KIF13A: variants seen among roughly 807,000 people sequenced by gnomAD.
KIF13A encodes the protein kinesin family member 13A, also known as kinesin-like protein KIF13A.
A neutral mutation model predicts 212.2 loss-of-function variants in KIF13A; 79 were observed. That is an observed-to-expected ratio of 0.37 (90% CI 0.31 to 0.45). KIF13A has a LOEUF of 0.45. KIF13A is among the 20% of genes least tolerant of loss of function. KIF13A has a pLI of 1.00. For synonymous variants in KIF13A, 789 were observed against 808.6 expected (o/e 0.98, Z 0.41); for missense variants, 1,901 against 2,209.0 (o/e 0.86, Z 2.79).
chr6:17,793,762 GAA>G (rs1404447452), intron 25 of KIF13A, among the ~76,000 whole-genome samples: 6 of 151,850 alleles, frequency 4.0e-5, no homozygotes, highest in Non-Finnish European at 8.8e-5. Context: ...AAAAATAAAA[GAA>G]TCAGCTGGGC....
At position 17,778,983 on chromosome 6, in the gene KIF13A, C is replaced by G. The variant is rs769341668; in HGVS notation, c.4056G>C (p.Gln1352His). 4 of 1,609,980 alleles carry G rather than the reference C, an allele frequency of 2.5e-6. No individual in the cohort carries two copies. The highest frequency in any genetic ancestry group is 1.3e-5 in the African/African-American group (1 of 74,934). The change falls in exon 33 of 39, where the codon CAG becomes CAC. Residue 1352 changes from glutamine to histidine, a missense_variant. By Grantham distance (24) the Gln-to-His change is conservative. Transcript: ENST00000259711. ...GTTCAAGACTCAGAATGTTTTCCAC[C>G]TGCAGCACGCCTCGAGTGTACTTCT... ...YIEKYTRGVLQVENILSLERL... is the reference protein window; with the variant it reads ...YIEKYTRGVLHVENILSLERL...
rs1211081649 is a variant in KIF13A, at chr6:17,912,668, T to C, written c.147-14488A>G. ...TCTTTTTTCCATCTCTGACTTCATG[T>C]TTGTTTTTAAAACTATCTTACAGTA... On this transcript the variant is annotated intron_variant, in intron 2 of 38. Coordinates refer to ENST00000259711, the MANE Select transcript of KIF13A (RefSeq NM_022113.6). This position sits in a 1 kb window ranked among gnomAD's most constrained non-coding sequence, Gnocchi z 4.2. Among the ~76,000 whole-genome samples the C allele has an allele frequency of 1.3e-5, 2 of 152,224 alleles. No homozygotes were observed. Among genetic ancestry groups the C allele is most frequent in the Non-Finnish European group, 2.9e-5 (2 of 68,038 alleles).
chr6:17,948,939 G>A (rs1422133505), intron 2 of KIF13A, among the ~76,000 whole-genome samples: 1 of 149,306 alleles, frequency 6.7e-6, no homozygotes, highest in Non-Finnish European at 1.5e-5. Flanking sequence ...TAAGCCCTTT[G>A]AAAGCAAAAT....
At chr6:17,884,501 A>G (rs1413649446) in intron 3 of KIF13A, among the ~76,000 whole-genome samples, 2 of 152,168 alleles carry the variant, frequency 1.3e-5, no homozygotes, top group Non-Finnish European at 2.9e-5. Context: ...GATAGTGTAG[A>G]TGGGTACTCA....
In KIF13A at chr6:17,787,819, T is replaced by C. The variant is rs918347008; in HGVS notation, c.3318A>G (p.Arg1106=). ...ERWSDALIKR[R]EYLDEQIKKV... Reference sequence around the variant, plus strand: ...TTTTTATCTGTTCATCCAGGTATTCTCGTCGTTTAATGAGTGCATCTGACC... The same window carrying C: ...TTTTTATCTGTTCATCCAGGTATTCCCGTCGTTTAATGAGTGCATCTGACC... Residue 1106 remains arginine (R), a synonymous_variant, in exon 27 of 39, where the codon CGA becomes CGG. Coordinates refer to ENST00000259711, the MANE Select transcript of KIF13A (RefSeq NM_022113.6). The surrounding 1 kb of genome is among the most constrained non-coding windows in gnomAD (Gnocchi z 4.6). 1 of 1,613,494 alleles carries C rather than the reference T, an allele frequency of 6.2e-7. No individual in the cohort carries two copies. The highest frequency in any genetic ancestry group is 1.3e-5 in the African/African-American group (1 of 74,920).
intron 2 of KIF13A, among the ~76,000 whole-genome samples, chr6:17,904,791 G>A (rs1007084772): frequency 6.6e-5 from 10 of 152,208 alleles, no homozygotes; most frequent in African/African-American, 2.4e-4. Flanking sequence ...AATGCCCTAC[G>A]ACGTGTGTGA....
intron 2 of KIF13A, among the ~76,000 whole-genome samples, chr6:17,949,378 A>T (rs1777676343): frequency 1.3e-5 from 2 of 152,188 alleles, no homozygotes; most frequent in Admixed American, 1.3e-4. Context: ...AATTAAAGAC[A>T]CCATCAACAT....
At position 17,808,886 on chromosome 6, in the gene KIF13A, A is replaced by G; in HGVS notation, c.2045T>C (p.Leu682Pro). The G allele has an allele frequency of 6.2e-7, 1 of 1,613,328 alleles. No individual in the cohort carries two copies. Among genetic ancestry groups the G allele is most frequent in the South Asian group, 1.1e-5 (1 of 90,932 alleles). The change falls in exon 18 of 39, where the codon CTG (leucine) becomes CCG (proline). Residue 682 changes from leucine to proline, a missense_variant. This residue lies in a region of KIF13A where 534 missense variants were observed against 536.9 expected (regional missense o/e 0.99). Transcript: ENST00000259711. ...RQSLAKLREQ[L>P]VKANTLVREA... ...CCTCACCAAGGTATTAGCTTTAACC[A>G]GCTGCTCTCGCAGTTTTGCCAGGCT...
At chr6:17,939,123 T>G (rs1776736297) in intron 2 of KIF13A, among the ~76,000 whole-genome samples, 1 of 152,202 alleles carries the variant, frequency 6.6e-6, no homozygotes, top group South Asian at 2.1e-4. Flanking sequence ...TCTAAGGCAC[T>G]TTAGGGCGCT....
At position 17,780,784 on chromosome 6, in the gene KIF13A, A is replaced by G. The variant is rs745834450; in HGVS notation, c.3792T>C (p.Ala1264=). 1 of 1,614,054 alleles carries G rather than the reference A, an allele frequency of 6.2e-7. No individual in the cohort carries two copies. Residue 1264 remains alanine (A), a synonymous_variant, in exon 31 of 39, where the codon GCT becomes GCC. Coordinates refer to ENST00000259711, the MANE Select transcript of KIF13A (RefSeq NM_022113.6). ...VKTTVQLSHP[A]AMELVLRKRI... The stretch of plus-strand genomic sequence containing the variant: ...GTTTTCGTAATACTAACTCCATAGC[A>G]GCAGGGTGGCTGAGTTGAACTGTGG...
At chr6:17,875,894 T>C (rs1307325371) in intron 3 of KIF13A, among the ~76,000 whole-genome samples, 2 of 152,162 alleles carry the variant, frequency 1.3e-5, no homozygotes, top group Non-Finnish European at 2.9e-5. Flanking sequence ...CCAAATCATG[T>C]TGGAAGTGGT....
downstream of KIF13A, among the ~76,000 whole-genome samples, chr6:17,761,979 C>T (rs1367288992): frequency 1.3e-5 from 2 of 152,058 alleles, no homozygotes; most frequent in Non-Finnish European, 2.9e-5. Flanking sequence ...TTGTGAATAC[C>T]TTATTTCCCC....
rs1763401306 is a variant in KIF13A, at chr6:17,811,228, T to C, written c.2001-2298A>G. Among the ~76,000 whole-genome samples, 2 of 152,298 alleles carry C rather than the reference T, an allele frequency of 1.3e-5. No homozygotes were observed. Among genetic ancestry groups the C allele is most frequent in the South Asian group, 4.1e-4 (2 of 4,830 alleles). The stretch of plus-strand genomic sequence containing the variant: ...TCTTCCACTGAACAACCAACAAGCT[T>C]ACTGTGCAGTCTGTCCACTTAGCGA... On this transcript the variant is annotated intron_variant, in intron 17 of 38. Transcript: ENST00000259711. This position sits in a 1 kb window ranked among gnomAD's most constrained non-coding sequence, Gnocchi z 6.0.
chr6:17,970,147 C>T (rs928612238), intron 2 of KIF13A, among the ~76,000 whole-genome samples: 2 of 152,030 alleles, frequency 1.3e-5, no homozygotes, highest in Non-Finnish European at 2.9e-5. Context: ...TGGTCTCGAT[C>T]TCCTGACCTC....
In KIF13A at chr6:17,974,504, A is replaced by G. The variant is rs189588386; in HGVS notation, c.146+12550T>C. ...CAAACCTTTGGATGGCTATACCCCCAGACACTGTGGAGCAAAGACACGTCA... is the reference window on the plus strand; with the variant it reads ...CAAACCTTTGGATGGCTATACCCCCGGACACTGTGGAGCAAAGACACGTCA... On this transcript the variant is annotated intron_variant, in intron 2 of 38. Transcript: ENST00000259711. Among the ~76,000 whole-genome samples the G allele has an allele frequency of 2.3e-3, 348 of 152,326 alleles. 2 individuals are homozygous for G. Among genetic ancestry groups the G allele is most frequent in the Middle Eastern group, 3.4e-3 (1 of 294 alleles).
rs571971350 is a variant in KIF13A at position 17,907,921 on chromosome 6, G to T, written c.147-9741C>A. On this transcript the variant is annotated intron_variant, in intron 2 of 38. Coordinates refer to ENST00000259711, the MANE Select transcript of KIF13A (RefSeq NM_022113.6). ...AATGACATGGCCAGATCTGTTTTAG[G>T]AGGGTGAGACTCAAGCGTGAATGTA... 2.0e-5 allele frequency among the ~76,000 whole-genome samples: 3 copies of T among 152,284 alleles called. No individual in the cohort carries two copies. The East Asian group carries it at 5.8e-4, about 29-fold the overall frequency.
At position 17,829,975 on chromosome 6, in the gene KIF13A, T is replaced by A. The variant is rs887964322; in HGVS notation, c.1401+1126A>T. Among the ~76,000 whole-genome samples the A allele has an allele frequency of 8.5e-5, 13 of 152,130 alleles. No individual in the cohort carries two copies. The highest frequency in any genetic ancestry group is 1.3e-4 in the Admixed American group (2 of 15,270). On this transcript the variant is annotated intron_variant, in intron 13 of 38. Transcript: ENST00000259711. This position sits in a 1 kb window ranked among gnomAD's most constrained non-coding sequence, Gnocchi z 5.4. ...GATTCAGGTGTGTGGACAGCATATG[T>A]AAGCTGCCTTCAAGGCCCCAGGTCC...
In KIF13A at chr6:17,856,532, C is replaced by T. The variant is rs1469364501; in HGVS notation, c.221-410G>A. On this transcript the variant is annotated intron_variant, in intron 4 of 38. Coordinates refer to ENST00000259711, the MANE Select transcript of KIF13A (RefSeq NM_022113.6). The surrounding 1 kb of genome is among the most constrained non-coding windows in gnomAD (Gnocchi z 4.5). ...ATACACACCTTGGTATCTCCCTCAGCACCTAGCTTGGTGTTTTGTACATGC... is the reference window on the plus strand; with the variant it reads ...ATACACACCTTGGTATCTCCCTCAGTACCTAGCTTGGTGTTTTGTACATGC... Among the ~76,000 whole-genome samples, 3 of 152,234 alleles carry T rather than the reference C, an allele frequency of 2.0e-5. No homozygotes were observed. Among genetic ancestry groups the T allele is most frequent in the Non-Finnish European group, 4.4e-5 (3 of 68,048 alleles).
chr6:17,804,811 TAAAAAAAAAAAAAAAAAAA>T (rs56785510), intron 19 of KIF13A, among the ~76,000 whole-genome samples: 11 of 23,298 alleles, frequency 4.7e-4, no homozygotes, highest in African/African-American at 9.1e-4. Flanking sequence ...CTGTCTCCAT[TAAAAAAAAAAAAAAAAAAA>T]AAAAAAAAAA....
Sources: gnomAD v4.1 joint callset for allele counts (sites outside exome capture counted in the v4.1 genomes callset) on GRCh38, gnomAD v4.1.1 for gene constraint, gnomAD v4.1.1 regional missense constraint, Gnocchi (gnomAD v3.1) non-coding constraint, MANE v1.5 for transcripts, NCBI Gene and HGNC (gene_info 2026-07-23, HGNC 2026-07-21) for gene names.